STOX2: variants seen among roughly 807,000 people sequenced by gnomAD.
STOX2 encodes the protein storkhead box 2, also known as storkhead-box protein 2.
A neutral mutation model predicts 60.9 loss-of-function variants in STOX2; 28 were observed. The observed-to-expected ratio is 0.46, with a 90% CI of 0.34 to 0.63. The LOEUF is 0.63. Among genes scored for constraint, STOX2 ranks in the 30% least tolerant of loss-of-function variants. STOX2 has a pLI of 0.01. For synonymous variants in STOX2, 472 were observed against 463.9 expected, an observed-to-expected ratio of 1.02 and a Z score of -0.22; for missense variants, 1,024 against 1,187.7, an observed-to-expected ratio of 0.86 and a Z score of 2.03.
intron 1 of STOX2, among the ~76,000 whole-genome samples, chr4:183,928,836 A>C (rs113844261): frequency 7.2e-5 from 11 of 152,232 alleles, no homozygotes; most frequent in African/African-American, 2.4e-4. Context: ...AAAACAACAA[A>C]AAAACTTGGT....
chr4:183,919,776 T>A (rs972361527), intron 1 of STOX2, among the ~76,000 whole-genome samples: 7 of 152,160 alleles, frequency 4.6e-5, no homozygotes, highest in Non-Finnish European at 7.3e-5. Context: ...TGGCTATTTT[T>A]AAATTTTTTT....
At chr4:183,845,075 G>A (rs549212887) in intron 1 of STOX2, among the ~76,000 whole-genome samples, 15 of 152,176 alleles carry the variant, frequency 9.9e-5, no homozygotes, top group Non-Finnish European at 1.5e-4. Flanking sequence ...TTTCCAAACT[G>A]TAGAGATGGC....
At chr4:183,815,967 T>TTC in intron 1 of STOX2, among the ~76,000 whole-genome samples, 1 of 152,270 alleles carries the variant, frequency 6.6e-6, no homozygotes, top group South Asian at 2.1e-4. Flanking sequence ...CATACGTGGT[T>TTC]GGACACCTGG....
chr4:183,873,253 G>A (rs1740735269), intron 1 of STOX2, among the ~76,000 whole-genome samples: 1 of 152,118 alleles, frequency 6.6e-6, no homozygotes, highest in East Asian at 1.9e-4. Context: ...TTCGAGACCA[G>A]CCTGACCAAC....
At chr4:183,923,599 G>A (rs1437682892) in intron 1 of STOX2, among the ~76,000 whole-genome samples, 2 of 152,168 alleles carry the variant, frequency 1.3e-5, no homozygotes, top group South Asian at 2.1e-4. Context: ...TTTTCCAAGC[G>A]AGGGAAATAT....
At chr4:183,861,777 CTATATT>C (rs912531463) in intron 1 of STOX2, among the ~76,000 whole-genome samples, 13 of 152,138 alleles carry the variant, frequency 8.5e-5, no homozygotes, top group African/African-American at 3.1e-4. Context: ...ATCATTTTTC[CTATATT>C]TATGATTATC....
In STOX2 at chr4:184,010,927, A is replaced by T. The variant is rs1014010971; in HGVS notation, c.2089A>T (p.Ile697Leu). 3.7e-6 allele frequency: 6 copies of T among 1,613,370 alleles called. No individual in the cohort carries two copies. Among genetic ancestry groups the T allele is most frequent in the Non-Finnish European group, 5.1e-6 (6 of 1,179,652 alleles). Reference sequence around the variant, plus strand: ...CAGCAGCTTGGACAAGAGGAAAGAGATATTTAGCAAAGACACACTGTTCAA... The same window carrying T: ...CAGCAGCTTGGACAAGAGGAAAGAGTTATTTAGCAAAGACACACTGTTCAA... ...EPSSLDKRKE[I>L]FSKDTLFKPL... is the part of the protein sequence containing the mutation. Residue 697 changes from isoleucine (I) to leucine (L), a missense_variant, in exon 3 of 4, where the codon ATA becomes TTA. Physicochemically the swap from Ile to Leu is conservative, Grantham distance 5. This residue lies in a region of STOX2 where 922 missense variants were observed against 1,058.3 expected (regional missense o/e 0.87). Transcript: ENST00000308497. This position sits in a 1 kb window ranked among gnomAD's most constrained non-coding sequence, Gnocchi z 4.5.
At chr4:183,969,136 GT>G (rs2111172495) in intron 1 of STOX2, among the ~76,000 whole-genome samples, 1 of 152,292 alleles carries the variant, frequency 6.6e-6, no homozygotes, top group South Asian at 2.1e-4. Context: ...AGACATGTGG[GT>G]TTTTGAAAGT....
intron 2 of STOX2, among the ~76,000 whole-genome samples, chr4:184,002,550 G>T (rs902823814): frequency 2.6e-5 from 4 of 152,222 alleles, no homozygotes; most frequent in African/African-American, 7.2e-5. Context: ...CAGCAGGGTA[G>T]TTCTGCTCCA....
chr4:183,949,363 T>G (rs2111141930), intron 1 of STOX2, among the ~76,000 whole-genome samples: 1 of 152,350 alleles, frequency 6.6e-6, no homozygotes, highest in Non-Finnish European at 1.5e-5. Flanking sequence ...TTTAAGAAAC[T>G]GCCCTTAAAA....
chr4:183,923,626 T>A (rs1279467752), intron 1 of STOX2, among the ~76,000 whole-genome samples: 1 of 152,260 alleles, frequency 6.6e-6, no homozygotes, highest in Non-Finnish European at 1.5e-5. Flanking sequence ...ACAGGCAAAG[T>A]ACACTTGTGA....
intron 1 of STOX2, among the ~76,000 whole-genome samples, chr4:183,860,524 T>C (rs1235191065): frequency 2.7e-5 from 4 of 150,418 alleles, no homozygotes; most frequent in Admixed American, 1.3e-4. Flanking sequence ...TACCTCTTTA[T>C]AGAGTGTGAA....
At chr4:183,814,955 G>T (rs1309110468) in intron 1 of STOX2, among the ~76,000 whole-genome samples, 1 of 151,972 alleles carries the variant, frequency 6.6e-6, no homozygotes, top group African/African-American at 2.4e-5. Flanking sequence ...TTGAATAAAA[G>T]ATTTGATTTA....
chr4:183,843,935 T>A (rs1739927900), intron 1 of STOX2, among the ~76,000 whole-genome samples: 1 of 152,214 alleles, frequency 6.6e-6, no homozygotes, highest in Non-Finnish European at 1.5e-5. Context: ...TAAATCATAG[T>A]TTATGTAGTG....
intron 1 of STOX2, among the ~76,000 whole-genome samples, chr4:183,970,138 A>ATGTGTGTG (rs1560911311): frequency 1.0e-4 from 4 of 39,792 alleles, no homozygotes; most frequent in African/African-American, 3.5e-4. Context: ...AACTACATGT[A>ATGTGTGTG]CGTGTGTGTG....
At chr4:183,897,047 C>A (rs1278559570) in intron 1 of STOX2, among the ~76,000 whole-genome samples, 1 of 152,158 alleles carries the variant, frequency 6.6e-6, no homozygotes, top group Non-Finnish European at 1.5e-5. Flanking sequence ...TGAAGCTTGG[C>A]AGTGGAAGCA....
intron 1 of STOX2, among the ~76,000 whole-genome samples, chr4:183,804,419 G>A (rs573373116): frequency 9.3e-4 from 142 of 152,332 alleles, no homozygotes; most frequent in Non-Finnish European, 1.9e-3. Flanking sequence ...GAGAAACAGA[G>A]AGGGTGGCCC....
rs1491136032 is a variant in STOX2, at chr4:183,911,162, ACT to A, written c.166+4207_166+4208del. On this transcript the variant is annotated intron_variant, in intron 1 of 3. Coordinates refer to ENST00000308497, the MANE Select transcript of STOX2 (RefSeq NM_020225.3). ...ACTTACACATAAATTGTTAGACAAA[ACT>A]TCTCTGCCCTCTTCTACTTTTTGGA... Among the ~76,000 whole-genome samples the A allele has an allele frequency of 4.7e-3, 43 of 9,198 alleles. No homozygotes were observed. The Non-Finnish European group carries it at 0.051, about 11-fold the overall frequency. The allele number at this position is 9,198 out of a possible 152,430, so 6.0% of individuals were successfully genotyped here. A position where few individuals can be genotyped will look rare whatever the true frequency, so the allele number is the denominator to read the frequency against.
intron 1 of STOX2, among the ~76,000 whole-genome samples, chr4:183,887,189 G>A (rs1560864351): frequency 6.6e-6 from 1 of 152,098 alleles, no homozygotes; most frequent in Non-Finnish European, 1.5e-5. Context: ...GCTTGAACCC[G>A]GGAGATGGAG....
Sources: allele counts gnomAD v4.1 joint callset (sites outside exome capture counted in the v4.1 genomes callset), GRCh38; gene constraint gnomAD v4.1.1; regional missense constraint gnomAD v4.1.1; non-coding constraint Gnocchi (gnomAD v3.1); transcripts MANE v1.5; gene names NCBI Gene and HGNC (gene_info 2026-07-23, HGNC 2026-07-21).